LPCAT1: variants seen among roughly 807,000 people sequenced by gnomAD.
The protein encoded by LPCAT1 is 1-acylglycerol-3-phosphate O-acyltransferase.
In LPCAT1, 23 loss-of-function variants were observed where a neutral mutation model predicts 60.9. The observed-to-expected ratio is 0.38, with a 90% CI of 0.27 to 0.53. The LOEUF (loss-of-function observed/expected upper bound fraction) is 0.53. LPCAT1 is among the 20% of genes least tolerant of loss of function. The pLI, the probability that LPCAT1 is intolerant of heterozygous loss-of-function variation, is 0.82. For synonymous variants in LPCAT1, 340 were observed against 301.1 expected (o/e 1.13, Z -1.34); for missense variants, 622 against 723.6 (o/e 0.86, Z 1.61).
Position 1,466,905 on chromosome 5 carries a change from G to C in LPCAT1, c.1279-15C>G. ...GCTCCGTACATCTGCAAGGCAAACT[G>C]GGTGTCACCTTGCAGCCTCCTCCCC... On this transcript the variant is annotated splice_polypyrimidine_tract_variant and intron_variant, in intron 12 of 13. Transcript: ENST00000283415. 6.5e-7 allele frequency: 1 copy of C among 1,549,116 alleles called. No homozygotes were observed. The highest frequency in any genetic ancestry group is 8.8e-7 in the Non-Finnish European group (1 of 1,140,914).
At chr5:1,498,307 G>C (rs1735865813) in intron 2 of LPCAT1, among the ~76,000 whole-genome samples, 1 of 152,142 alleles carries the variant, frequency 6.6e-6, no homozygotes, top group Non-Finnish European at 1.5e-5. Context: ...AGAATTCAGG[G>C]TTTGTTCTCT....
chr5:1,505,946 C>T (rs1015544274), intron 1 of LPCAT1, among the ~76,000 whole-genome samples: 6 of 152,238 alleles, frequency 3.9e-5, no homozygotes, highest in African/African-American at 1.2e-4. Context: ...CAGAAGACTG[C>T]GTGACCATGT....
Position 1,495,615 on chromosome 5 carries a change from T to C in LPCAT1, c.279-701A>G, listed in dbSNP as rs150181735. ...TATGAGGCTACAGATTAGGCTGTTA[T>C]TCCACACCTCAGGGAATTGACACGC... On this transcript the variant is annotated intron_variant, in intron 2 of 13. Coordinates refer to ENST00000283415, the MANE Select transcript of LPCAT1 (RefSeq NM_024830.5). The surrounding 1 kb of genome is among the most constrained non-coding windows in gnomAD (Gnocchi z 4.7). Among the ~76,000 whole-genome samples the C allele has an allele frequency of 7.7e-4, 118 of 152,360 alleles. No homozygotes were observed. Among genetic ancestry groups the C allele is most frequent in the African/African-American group, 2.6e-3 (110 of 41,586 alleles).
chr5:1,462,260 C>T lies in LPCAT1; in HGVS notation c.*1391G>A, dbSNP rs1734129598. 2 of 152,506 alleles carry T rather than the reference C, an allele frequency of 1.3e-5. No homozygotes were observed. Among genetic ancestry groups the T allele is most frequent in the Admixed American group, 1.3e-4 (2 of 15,276 alleles). The allele number at this position is 152,506 out of a possible 1,614,324, so 9.4% of individuals were successfully genotyped here. ...AACCCGGAGCCTTTGCTTTAGGAAG[C>T]AAACTCAAGTCTGTGATGATTATTG... On this transcript the variant is annotated 3_prime_UTR_variant, in exon 14 of 14. Transcript: ENST00000283415.
Position 1,523,560 on chromosome 5 carries a change from G to A in LPCAT1, c.135+150C>T, listed in dbSNP as rs1210104988. ...GCGGGCGGCGGGGACGCGAACTGAG[G>A]GGCGGCCGCGGGGAGGGAAGGCGCC... On this transcript the variant is annotated intron_variant, in intron 1 of 13. Transcript: ENST00000283415. The surrounding 1 kb of genome is among the most constrained non-coding windows in gnomAD (Gnocchi z 7.1). 2 of 396,584 alleles carry A rather than the reference G, an allele frequency of 5.0e-6. No individual in the cohort carries two copies. The highest frequency in any genetic ancestry group is 1.0e-4 in the South Asian group (1 of 9,654). 24.6% of individuals were successfully genotyped at this position (396,584 alleles called of 1,614,324 possible). A position where few individuals can be genotyped will look rare whatever the true frequency, so the allele number is the denominator to read the frequency against.
intron 8 of LPCAT1, among the ~76,000 whole-genome samples, chr5:1,478,712 C>T (rs1034748613): frequency 3.9e-5 from 6 of 152,266 alleles, no homozygotes; most frequent in African/African-American, 9.6e-5. Flanking sequence ...CAGTATATTT[C>T]GTAGTGCTCT....
chr5:1,486,788 G>A (rs1248964181), intron 5 of LPCAT1, among the ~76,000 whole-genome samples: 4 of 152,172 alleles, frequency 2.6e-5, no homozygotes, highest in South Asian at 2.1e-4. Flanking sequence ...CGAGGCAGCC[G>A]GAAACCCGGG....
At chr5:1,516,405 C>T (rs890307549) in intron 1 of LPCAT1, among the ~76,000 whole-genome samples, 1 of 152,166 alleles carries the variant, frequency 6.6e-6, no homozygotes, top group Non-Finnish European at 1.5e-5. Context: ...TGGATCTAAC[C>T]CCTCCAGGGT....
At chr5:1,466,610 T>G (rs1403612282) in intron 13 of LPCAT1, 139 bp downstream of exon 13, 6 of 916,202 alleles carry the variant, frequency 6.5e-6, no homozygotes, top group Non-Finnish European at 9.1e-6. Context: ...AGGGGTTTCT[T>G]TGTTACACAG....
chr5:1,465,089 G>A (rs940008382), intron 13 of LPCAT1, among the ~76,000 whole-genome samples: 6 of 132,798 alleles, frequency 4.5e-5, no homozygotes, highest in East Asian at 4.7e-4. Context: ...ACACACATGC[G>A]CATGCACACA....
At chr5:1,498,249 G>T (rs556784672) in intron 2 of LPCAT1, among the ~76,000 whole-genome samples, 4 of 152,118 alleles carry the variant, frequency 2.6e-5, no homozygotes, top group Admixed American at 6.5e-5. Flanking sequence ...GATCCCTTAC[G>T]TCCCTAACTA....
chr5:1,493,643 G>A (rs1380862356), intron 3 of LPCAT1, among the ~76,000 whole-genome samples: 2 of 152,178 alleles, frequency 1.3e-5, no homozygotes, highest in Non-Finnish European at 2.9e-5. Context: ...GGAAGCACGA[G>A]GACAGAACGG....
intron 1 of LPCAT1, among the ~76,000 whole-genome samples, chr5:1,506,541 C>T (rs1409915411): frequency 1.3e-5 from 2 of 152,244 alleles, no homozygotes; most frequent in African/African-American, 4.8e-5. Flanking sequence ...ACTCTAGCCC[C>T]CCAGGAGATG....
intron 13 of LPCAT1, 114 bp from the exon 14 acceptor site, chr5:1,463,949 G>A: frequency 6.7e-6 from 7 of 1,050,258 alleles, no homozygotes; most frequent in South Asian, 1.6e-5. Context: ...TCCAGGGAGG[G>A]TTAGAATCGT....
At position 1,501,506 on chromosome 5, in the gene LPCAT1, C is replaced by G; in HGVS notation, c.233G>C (p.Gly78Ala). Residue 78 changes from glycine (G) to alanine (A), a missense_variant, in exon 2 of 14, where the codon GGC (glycine) becomes GCC (alanine). Physicochemically the swap from Gly to Ala is moderately conservative, Grantham distance 60. Coordinates refer to ENST00000283415, the MANE Select transcript of LPCAT1 (RefSeq NM_024830.5). ...CTGCTCGGGTTCCTTCTCCGCAGAG[C>G]CCAGGGATGCGACAAGTGCGAGGGG... ...AWPLALVASL[G>A]SAEKEPEQPP... 1 of 1,613,800 alleles carries G rather than the reference C, an allele frequency of 6.2e-7. No homozygotes were observed.
chr5:1,523,593 GCAGGGCCGCGCCGCGCCC>G lies in LPCAT1; in HGVS notation c.135+99_135+116del. ...GCGGGGAGGGAAGGCGCCGCGGCTCGCAGGGCCGCGCCGCGCCCCAGGCCCCCTCCCCGGCCCCTCCTC... is the reference window on the plus strand; with the variant it reads ...GCGGGGAGGGAAGGCGCCGCGGCTCGCAGGCCCCCTCCCCGGCCCCTCCTC... On this transcript the variant is annotated intron_variant, in intron 1 of 13. Transcript: ENST00000283415. This position sits in a 1 kb window ranked among gnomAD's most constrained non-coding sequence, Gnocchi z 7.1. The G allele has an allele frequency of 1.4e-6, 1 of 698,976 alleles. No individual in the cohort carries two copies. Among genetic ancestry groups the G allele is most frequent in the East Asian group, 1.2e-4 (1 of 8,280 alleles). The allele number at this position is 698,976 out of a possible 1,614,324, so 43.3% of individuals were successfully genotyped here. A position where few individuals can be genotyped will look rare whatever the true frequency, so the allele number is the denominator to read the frequency against.
chr5:1,491,294 T>C (rs1365819803), intron 3 of LPCAT1, among the ~76,000 whole-genome samples: 2 of 101,016 alleles, frequency 2.0e-5, no homozygotes, highest in Non-Finnish European at 4.9e-5. Context: ...GCGTGGTCTT[T>C]CGGTGCCCAC....
rs952733465 is a variant in LPCAT1, at chr5:1,501,385, A to G, written c.278+76T>C. 2.6e-5 allele frequency: 39 copies of G among 1,515,420 alleles called. 2 individuals are homozygous for G. The South Asian group carries it at 4.6e-4, about 18-fold the overall frequency. 93.9% of individuals were successfully genotyped at this position (1,515,420 alleles called of 1,614,324 possible). A position where few individuals can be genotyped will look rare whatever the true frequency, so the allele number is the denominator to read the frequency against. On this transcript the variant is annotated intron_variant, in intron 2 of 13. Transcript: ENST00000283415. Reference sequence around the variant, plus strand: ...GGCTAGGGTGGAGACACACAACCCCACTGTGAGAATGGGTTCCCACTGTTT... The same window carrying G: ...GGCTAGGGTGGAGACACACAACCCCGCTGTGAGAATGGGTTCCCACTGTTT...
intron 1 of LPCAT1, among the ~76,000 whole-genome samples, chr5:1,512,170 T>A (rs1355071978): frequency 1.3e-5 from 2 of 152,170 alleles, no homozygotes; most frequent in Non-Finnish European, 2.9e-5. Flanking sequence ...GCAGGCACAG[T>A]AGTCTGAGCT....
Sources: gnomAD v4.1 joint callset for allele counts (sites outside exome capture counted in the v4.1 genomes callset) on GRCh38, gnomAD v4.1.1 for gene constraint, Gnocchi (gnomAD v3.1) non-coding constraint, MANE v1.5 for transcripts, NCBI Gene and HGNC (gene_info 2026-07-23, HGNC 2026-07-21) for gene names.